Variants in MYH14 observed in about 807,000 individuals in gnomAD.
MYH14 encodes myosin heavy chain 14.
Under a neutral mutation model 255.5 loss-of-function variants are expected in MYH14, and 123 were observed. The observed-to-expected ratio is 0.48, with a 90% confidence interval of 0.42 to 0.56. The LOEUF is 0.56. MYH14 is among the 20% of genes least tolerant of loss of function. The pLI, the probability that MYH14 is intolerant of heterozygous loss-of-function variation, is 0.00. For synonymous variants in MYH14, 1,095 were observed against 1,161.2 expected, an observed-to-expected ratio of 0.94 and a Z score of 1.16; for missense variants, 2,423 against 2,802.3, an observed-to-expected ratio of 0.86 and a Z score of 3.06.
chr19:50,307,524 C>A (rs2036693468), intron 41 of MYH14, among the ~76,000 whole-genome samples: 1 of 152,040 alleles, frequency 6.6e-6, no homozygotes, highest in Non-Finnish European at 1.5e-5. Flanking sequence ...AAGGAAGGTG[C>A]TATTATTTAC....
At chr19:50,262,900 G>T (rs1420783050) in intron 21 of MYH14, among the ~76,000 whole-genome samples, 2 of 152,112 alleles carry the variant, frequency 1.3e-5, no homozygotes, top group Admixed American at 6.6e-5. Flanking sequence ...GGCTGACTAA[G>T]TGAAAGGAGC....
At chr19:50,260,364 G>T (rs559878185) in intron 19 of MYH14, among the ~76,000 whole-genome samples, 1 of 152,168 alleles carries the variant, frequency 6.6e-6, no homozygotes, top group Non-Finnish European at 1.5e-5. Flanking sequence ...GGCGGAGGTC[G>T]CAGTGAGGCA....
Position 50,263,734 on chromosome 19 carries a change from G to A in MYH14, c.2694+314G>A, listed in dbSNP as rs2034975131. Among the ~76,000 whole-genome samples, 4 of 152,180 alleles carry A rather than the reference G, an allele frequency of 2.6e-5. No homozygotes were observed. The South Asian group carries it at 8.3e-4, about 31-fold the overall frequency. On this transcript the variant is annotated intron_variant, in intron 22 of 42. Coordinates refer to ENST00000642316, the MANE Select transcript of MYH14 (RefSeq NM_001145809.2). The stretch of plus-strand genomic sequence containing the variant: ...AAAAGCTGCTGTACTCACAGCTACA[G>A]TTTATCACAATACAAAGATACAGAT...
intron 10 of MYH14, among the ~76,000 whole-genome samples, chr19:50,232,549 G>A (rs553109260): frequency 2.9e-4 from 39 of 135,938 alleles, no homozygotes; most frequent in African/African-American, 1.0e-3. Flanking sequence ...AGCTGAGATC[G>A]CACCACTGCA....
chr19:50,308,999 A>G lies in MYH14; in HGVS notation c.5788-6A>G, dbSNP rs370904133. ...GATATAACCCAGTCCCCCTGCTTCC[A>G]TCAAGCTGGAGAAGGGAAACCTTCG... On this transcript the variant is annotated splice_polypyrimidine_tract_variant and splice_region_variant and intron_variant, in intron 41 of 42. Coordinates refer to ENST00000642316, the MANE Select transcript of MYH14 (RefSeq NM_001145809.2). 6 of 1,607,770 alleles carry G rather than the reference A, an allele frequency of 3.7e-6. No homozygotes were observed. The highest frequency in any genetic ancestry group is 2.2e-5 in the East Asian group (1 of 44,692).
At chr19:50,282,649 G>A (rs1213989935) in intron 33 of MYH14, among the ~76,000 whole-genome samples, 1 of 152,082 alleles carries the variant, frequency 6.6e-6, no homozygotes, top group Non-Finnish European at 1.5e-5. Context: ...GTTGCAGTGA[G>A]CCAAGATCGT....
chr19:50,267,131 G>T (rs903736877), intron 23 of MYH14, 123 bp downstream of exon 23: 57 of 951,274 alleles, frequency 6.0e-5, no homozygotes, highest in Non-Finnish European at 7.8e-5. Context: ...CAGGGCTGTC[G>T]GGAGGATGGG....
chr19:50,212,354 A>G (rs79247575), intron 2 of MYH14, among the ~76,000 whole-genome samples: 5,824 of 152,306 alleles, frequency 0.038, 120 homozygotes, highest in Middle Eastern at 0.054. Context: ...GACAAGGAAT[A>G]TGGACAATCA....
rs867424947 is a variant in MYH14, at chr19:50,267,000, G to T, written c.2818G>T (p.Val940Leu). Reference sequence around the variant, plus strand: ...CGAAGTTGGGGAGCTCCAGGGCCGAGTGGCACAGGTGAGGGGGCGGGGGCA... The same window carrying T: ...CGAAGTTGGGGAGCTCCAGGGCCGATTGGCACAGGTGAGGGGGCGGGGGCA... ...AREVGELQGR[V>L]AQLEEERARL... is the part of the protein sequence containing the mutation. Residue 940 changes from valine (V) to leucine (L), a missense_variant, in exon 23 of 43, where the codon GTG becomes TTG. Val to Leu is a conservative substitution (Grantham distance 32). Transcript: ENST00000642316. The surrounding 1 kb of genome is among the most constrained non-coding windows in gnomAD (Gnocchi z 4.1). The T allele has an allele frequency of 6.4e-7, 1 of 1,563,872 alleles. No homozygotes were observed. The highest frequency in any genetic ancestry group is 1.2e-5 in the South Asian group (1 of 85,262).
chr19:50,278,268 T>C lies in MYH14; in HGVS notation c.4011T>C (p.Ala1337=). 3 of 1,566,724 alleles carry C rather than the reference T, an allele frequency of 1.9e-6. 1 individual carries two copies. In the South Asian group the frequency reaches 3.5e-5, roughly 18 times the overall value. ...GDGERARAEA[A]EKLQRAQAEL... ...GGGAGAGGGCACGAGCGGAGGCTGC[T>C]GAGAAGCTGCAGCGAGCCCAGGTAA... Residue 1337 remains alanine (A), a synonymous_variant, in exon 30 of 43, where the codon GCT becomes GCC. Coordinates refer to ENST00000642316, the MANE Select transcript of MYH14 (RefSeq NM_001145809.2).
At chr19:50,269,223 C>G (rs1319040737) in intron 24 of MYH14, among the ~76,000 whole-genome samples, 3 of 152,208 alleles carry the variant, frequency 2.0e-5, no homozygotes, top group African/African-American at 7.2e-5. Context: ...GTCGCCCAGG[C>G]TGGAGTGCAG....
Position 50,210,550 on chromosome 19 carries a change from T to C in MYH14, c.185T>C (p.Leu62Pro). ...ARRLVWVPSE[L>P]HGFEAAALRD... ...CGTCTCGTGTGGGTGCCTTCGGAGC[T>C]TCACGGGTTCGAGGCGGCGGCGCTG... Residue 62 changes from leucine to proline, a missense_variant, in exon 2 of 43, where the codon CTT becomes CCT. Physicochemically the swap from Leu to Pro is moderately conservative, Grantham distance 98. This residue lies in a region of MYH14 where 238 missense variants were observed against 245.8 expected (regional missense o/e 0.97). Transcript: ENST00000642316. The C allele has an allele frequency of 1.3e-6, 2 of 1,582,702 alleles. No individual in the cohort carries two copies. The highest frequency in any genetic ancestry group is 1.1e-5 in the South Asian group (1 of 87,164).
At chr19:50,247,517 A>C (rs1370832309) in intron 12 of MYH14, among the ~76,000 whole-genome samples, 1 of 151,956 alleles carries the variant, frequency 6.6e-6, no homozygotes, top group Non-Finnish European at 1.5e-5. Context: ...AAAAATTAAA[A>C]AATTTAATAA....
chr19:50,262,593 C>T (rs1161712598), intron 21 of MYH14, among the ~76,000 whole-genome samples: 1 of 151,028 alleles, frequency 6.6e-6, no homozygotes, highest in Non-Finnish European at 1.5e-5. Context: ...GCCCAAACAC[C>T]AGGCTGAGTG....
chr19:50,276,640 TA>T lies in MYH14; in HGVS notation c.3681-115del, dbSNP rs77206276. The stretch of plus-strand genomic sequence containing the variant: ...CACCACCCAGATCTCCTGAGGAGCA[TA>T]ACATGAGGCCCTCATATTTTAAGGA... On this transcript the variant is annotated intron_variant, in intron 28 of 42. Transcript: ENST00000642316. The surrounding 1 kb of genome is among the most constrained non-coding windows in gnomAD (Gnocchi z 4.3). The T allele has an allele frequency of 0.19, 261,262 of 1,344,284 alleles. 26,546 individuals carry two copies. Among genetic ancestry groups the T allele is most frequent in the South Asian group, 0.31 (24,949 of 81,212 alleles). 83.3% of individuals were successfully genotyped at this position (1,344,284 alleles called of 1,614,324 possible). A position where few individuals can be genotyped will look rare whatever the true frequency, so the allele number is the denominator to read the frequency against.
chr19:50,205,055 C>T (rs923000545), intron 1 of MYH14, among the ~76,000 whole-genome samples: 2 of 152,088 alleles, frequency 1.3e-5, no homozygotes, highest in African/African-American at 4.8e-5. Context: ...TTCTTTGGTA[C>T]TCTTACTGTC....
intron 11 of MYH14, among the ~76,000 whole-genome samples, chr19:50,246,706 G>A (rs994474465): frequency 1.3e-5 from 2 of 152,222 alleles, no homozygotes; most frequent in Middle Eastern, 6.8e-3. Context: ...ACCAATTCCC[G>A]CTTCTTGGGC....
intron 12 of MYH14, 86 bp downstream of exon 12, chr19:50,247,208 C>A: frequency 2.1e-6 from 2 of 935,398 alleles, no homozygotes; most frequent in Non-Finnish European, 3.4e-6. Flanking sequence ...GTTTTTCCCA[C>A]CACTCAACAG....
chr19:50,267,038 G>T (rs2035111319), intron 23 of MYH14, 30 bp downstream of exon 23: 1 of 1,513,764 alleles, frequency 6.6e-7, no homozygotes. Context: ...GCGTGGGGGC[G>T]TGTCTTCGGG....
Sources: gnomAD v4.1 joint callset for allele counts (sites outside exome capture counted in the v4.1 genomes callset) on GRCh38, gnomAD v4.1.1 for gene constraint, gnomAD v4.1.1 regional missense constraint, Gnocchi (gnomAD v3.1) non-coding constraint, MANE v1.5 for transcripts, NCBI Gene and HGNC (gene_info 2026-07-23, HGNC 2026-07-21) for gene names.